The following SLC22A23 variants were observed in gnomAD, a reference collection of about 807,000 sequenced individuals.
SLC22A23 encodes solute carrier family 22 member 23, also known as ion transporter protein.
A neutral mutation model predicts 61.0 loss-of-function variants in SLC22A23; 26 were observed. The observed-to-expected ratio is 0.43, with a 90% CI of 0.31 to 0.59. The LOEUF is 0.59. SLC22A23 is among the 20% of genes least tolerant of loss of function. The pLI is 0.11. For synonymous variants in SLC22A23, 430 were observed against 413.9 expected (o/e 1.04, Z -0.47); for missense variants, 796 against 934.7 (o/e 0.85, Z 1.94).
In SLC22A23 at chr6:3,304,345, G is replaced by A. The variant is rs1051522248; in HGVS notation, c.1083-6127C>T. ...TAAAAACTGACAACAACCAATAAAT[G>A]TCTTTATGAGAAGTGATGATGAGCA... On this transcript the variant is annotated intron_variant, in intron 4 of 9. Transcript: ENST00000406686. The surrounding 1 kb of genome is among the most constrained non-coding windows in gnomAD (Gnocchi z 4.3). Among the ~76,000 whole-genome samples the A allele has an allele frequency of 6.6e-6, 1 of 152,154 alleles. No homozygotes were observed. Among genetic ancestry groups the A allele is most frequent in the Non-Finnish European group, 1.5e-5 (1 of 68,028 alleles).
At chr6:3,326,665 G>C (rs1327838505) in intron 3 of SLC22A23, among the ~76,000 whole-genome samples, 1 of 152,234 alleles carries the variant, frequency 6.6e-6, no homozygotes, top group Non-Finnish European at 1.5e-5. Flanking sequence ...TTTTAGCATT[G>C]CTGCCTAGGC....
intron 3 of SLC22A23, among the ~76,000 whole-genome samples, chr6:3,357,037 G>A (rs1451135440): frequency 1.0e-5 from 1 of 99,356 alleles, no homozygotes; most frequent in East Asian, 3.1e-4. Flanking sequence ...CAGCCTGGAA[G>A]AGAAAACCAA....
rs60880355 is a variant in SLC22A23, at chr6:3,414,721, CAAAA to C, written c.758+1027_758+1030del. On this transcript the variant is annotated intron_variant, in intron 2 of 9. Coordinates refer to ENST00000406686, the MANE Select transcript of SLC22A23 (RefSeq NM_015482.2). This position sits in a 1 kb window ranked among gnomAD's most constrained non-coding sequence, Gnocchi z 5.1. ...TCAAGGCCAAGATGTCTCGATTCAC[CAAAA>C]AAAAAAAAAAAAAAAAAAATCCTTT... Among the ~76,000 whole-genome samples the C allele has an allele frequency of 2.2e-5, 2 of 89,536 alleles. No homozygotes were observed. The allele number at this position is 89,536 out of a possible 152,430, so 58.7% of individuals were successfully genotyped here.
chr6:3,276,221 C>T lies in SLC22A23; in HGVS notation c.1704-2809G>A, dbSNP rs368741991. Among the ~76,000 whole-genome samples the T allele has an allele frequency of 4.6e-5, 7 of 152,336 alleles. No homozygotes were observed. The East Asian group carries it at 7.7e-4, about 17-fold the overall frequency. ...GAAATGACTGCCTCTCTGTTGGTTG[C>T]AGTCCACCCATCTGCATCCACCATG... On this transcript the variant is annotated intron_variant, in intron 9 of 9. Coordinates refer to ENST00000406686, the MANE Select transcript of SLC22A23 (RefSeq NM_015482.2).
chr6:3,454,260 C>T lies in SLC22A23; in HGVS notation c.654+1646G>A, dbSNP rs1772287290. 6.6e-6 allele frequency among the ~76,000 whole-genome samples: 1 copy of T among 152,152 alleles called. No individual in the cohort carries two copies. The highest frequency in any genetic ancestry group is 1.5e-5 in the Non-Finnish European group (1 of 68,038). On this transcript the variant is annotated intron_variant, in intron 1 of 9. Coordinates refer to ENST00000406686, the MANE Select transcript of SLC22A23 (RefSeq NM_015482.2). The surrounding 1 kb of genome is among the most constrained non-coding windows in gnomAD (Gnocchi z 4.3). ...AAAAACTGCCCAGCTCTCCAATATG[C>T]CTCCATAGTCTGCTTTTAAGAACTA...
intron 1 of SLC22A23, chr6:3,432,409 C>A (rs757858050): frequency 3.0e-5 from 30 of 985,058 alleles, no homozygotes; most frequent in Non-Finnish European, 3.5e-5. Context: ...CCTAAAGGAA[C>A]CAATCTTCCT....
At chr6:3,444,493 G>A (rs1444691434) in intron 1 of SLC22A23, among the ~76,000 whole-genome samples, 2 of 152,182 alleles carry the variant, frequency 1.3e-5, no homozygotes, top group Admixed American at 1.3e-4. Flanking sequence ...TGAGCCATAT[G>A]TTCACGCAGC....
At chr6:3,434,436 C>T (rs1246450225) in intron 1 of SLC22A23, among the ~76,000 whole-genome samples, 1 of 151,896 alleles carries the variant, frequency 6.6e-6, no homozygotes, top group Admixed American at 6.6e-5. Flanking sequence ...TGGTGAAATC[C>T]CATATCTACT....
chr6:3,431,885 A>G (rs991360633), intron 1 of SLC22A23, among the ~76,000 whole-genome samples: 2 of 152,104 alleles, frequency 1.3e-5, no homozygotes, highest in Non-Finnish European at 2.9e-5. Context: ...AGAGGTCTAG[A>G]GTTAATGGTT....
At chr6:3,301,484 G>A (rs534311916) in intron 4 of SLC22A23, among the ~76,000 whole-genome samples, 3 of 152,172 alleles carry the variant, frequency 2.0e-5, no homozygotes, top group Admixed American at 1.3e-4. Context: ...TTTGAAATAC[G>A]GCATACAACG....
At chr6:3,310,986 C>T (rs911821402) in intron 4 of SLC22A23, among the ~76,000 whole-genome samples, 4 of 152,220 alleles carry the variant, frequency 2.6e-5, no homozygotes, top group Admixed American at 2.0e-4. Flanking sequence ...GATACCTGTG[C>T]AGACAGGTGT....
intron 4 of SLC22A23, among the ~76,000 whole-genome samples, chr6:3,320,378 C>T (rs1056926467): frequency 1.3e-5 from 2 of 152,218 alleles, no homozygotes; most frequent in African/African-American, 4.8e-5. Flanking sequence ...CCCCAAGAAG[C>T]CGCCCCTTGG....
intron 1 of SLC22A23, among the ~76,000 whole-genome samples, chr6:3,419,412 A>G (rs1769966552): frequency 1.3e-5 from 2 of 152,194 alleles, no homozygotes; most frequent in Non-Finnish European, 1.5e-5. Flanking sequence ...AGATTCTGGT[A>G]TACCTATGGT....
In SLC22A23 at chr6:3,333,098, G is replaced by A. The variant is rs1170756171; in HGVS notation, c.914-9096C>T. Among the ~76,000 whole-genome samples, 2 of 152,166 alleles carry A rather than the reference G, an allele frequency of 1.3e-5. No homozygotes were observed. The highest frequency in any genetic ancestry group is 2.9e-5 in the Non-Finnish European group (2 of 68,020). On this transcript the variant is annotated intron_variant, in intron 3 of 9. Coordinates refer to ENST00000406686, the MANE Select transcript of SLC22A23 (RefSeq NM_015482.2). The surrounding 1 kb of genome is among the most constrained non-coding windows in gnomAD (Gnocchi z 4.1). ...CTACCACTGACCCATGGAGCAAAGC[G>A]GCGGCGCCTCAGCCTCCCATCCTAG...
intron 8 of SLC22A23, chr6:3,284,864 A>C: frequency 6.6e-7 from 1 of 1,525,240 alleles, no homozygotes; most frequent in Non-Finnish European, 8.8e-7. Flanking sequence ...AGCAGCACAC[A>C]AACAGGGAAG....
Position 3,280,512 on chromosome 6 carries a change from T to TCTTCC in SLC22A23, c.1703+3339_1703+3340insGGAAG, listed in dbSNP as rs1554132934. On this transcript the variant is annotated intron_variant, in intron 9 of 9. Transcript: ENST00000406686. ...CAACTTTTTTTTTTTTTTTTTTTTTTTGAGATGGAGTCTCGCTCTGTCGCC... is the reference window on the plus strand; with the variant it reads ...CAACTTTTTTTTTTTTTTTTTTTTTTCTTCCTGAGATGGAGTCTCGCTCTGTCGCC... Among the ~76,000 whole-genome samples, 2 of 98,330 alleles carry TCTTCC rather than the reference T, an allele frequency of 2.0e-5. 1 individual carries two copies. 64.5% of individuals were successfully genotyped at this position (98,330 alleles called of 152,430 possible). A position where few individuals can be genotyped will look rare whatever the true frequency, so the allele number is the denominator to read the frequency against.
At chr6:3,299,929 A>C (rs1057122184) in intron 4 of SLC22A23, among the ~76,000 whole-genome samples, 4 of 151,742 alleles carry the variant, frequency 2.6e-5, no homozygotes, top group African/African-American at 9.7e-5. Context: ...TGTATCAGGA[A>C]AGTCACGACT....
chr6:3,424,345 A>G (rs1441834892), intron 1 of SLC22A23, among the ~76,000 whole-genome samples: 1 of 152,156 alleles, frequency 6.6e-6, no homozygotes, highest in Non-Finnish European at 1.5e-5. Flanking sequence ...ACCTCACCAC[A>G]ACCAAAATGA....
intron 1 of SLC22A23, 37 bp downstream of exon 1, chr6:3,455,869 G>C: frequency 6.8e-7 from 1 of 1,462,144 alleles, no homozygotes; most frequent in Non-Finnish European, 9.1e-7. Context: ...GGTCTGCAGG[G>C]AGAGGGTTGG....
Sources: allele counts gnomAD v4.1 joint callset (sites outside exome capture counted in the v4.1 genomes callset), GRCh38; gene constraint gnomAD v4.1.1; non-coding constraint Gnocchi (gnomAD v3.1); transcripts MANE v1.5; gene names NCBI Gene and HGNC (gene_info 2026-07-23, HGNC 2026-07-21).